The following SCN8A variants were observed in gnomAD, a reference collection of about 807,000 sequenced individuals.
SCN8A encodes the protein sodium channel protein type 8 subunit alpha.
Under a neutral mutation model 184.1 loss-of-function variants are expected in SCN8A, and 30 were observed. The ratio of observed to expected loss-of-function variants is 0.16; its 90% CI spans 0.12 to 0.22. The LOEUF (loss-of-function observed/expected upper bound fraction) is 0.22, where lower values mean the gene tolerates loss of function less well. Among genes scored for constraint, SCN8A ranks in the 10% least tolerant of loss-of-function variants. The pLI, the probability that SCN8A is intolerant of heterozygous loss-of-function variation, is 1.00. For synonymous variants in SCN8A, 852 were observed against 907.0 expected, an observed-to-expected ratio of 0.94 and a Z score of 1.09; for missense variants, 1,057 against 2,498.9, an observed-to-expected ratio of 0.42 and a Z score of 12.30.
Position 51,748,202 on chromosome 12 carries a change from G to T in SCN8A, c.2131+2167G>T, listed in dbSNP as rs192601962. 5.0e-3 allele frequency among the ~76,000 whole-genome samples: 762 copies of T among 152,296 alleles called. 4 individuals are homozygous for T. Among genetic ancestry groups the T allele is most frequent in the Non-Finnish European group, 8.8e-3 (596 of 68,032 alleles). ...ACAGCATTAAAAGCCAGCATTGAACGAATTGTAGTTCTTGCTCTCAGACTT... is the reference window on the plus strand; with the variant it reads ...ACAGCATTAAAAGCCAGCATTGAACTAATTGTAGTTCTTGCTCTCAGACTT... On this transcript the variant is annotated intron_variant, in intron 13 of 26. Coordinates refer to ENST00000627620, the MANE Select transcript of SCN8A (RefSeq NM_001330260.2).
rs146843897 is a variant in SCN8A, at chr12:51,709,740, A to G, written c.1635+3025A>G. ...ACTTTGTGGAAGAAAAAAAAACAGA[A>G]AAGGGAGACGTGTTAGAAAATGAAA... On this transcript the variant is annotated intron_variant, in intron 11 of 26. Coordinates refer to ENST00000627620, the MANE Select transcript of SCN8A (RefSeq NM_001330260.2). Among the ~76,000 whole-genome samples, 360 of 152,308 alleles carry G rather than the reference A, an allele frequency of 2.4e-3. 1 individual carries two copies. Among genetic ancestry groups the G allele is most frequent in the African/African-American group, 8.0e-3 (332 of 41,574 alleles).
chr12:51,623,179 C>G (rs1940000104), intron 1 of SCN8A, among the ~76,000 whole-genome samples: 2 of 152,156 alleles, frequency 1.3e-5, no homozygotes, highest in African/African-American at 2.4e-5. Context: ...TTGGAGAAAC[C>G]AAGTTCTGAG....
chr12:51,788,932 C>T (rs1437885382), intron 23 of SCN8A, among the ~76,000 whole-genome samples, 184 bp downstream of exon 23: 1 of 152,116 alleles, frequency 6.6e-6, no homozygotes, highest in Non-Finnish European at 1.5e-5. Flanking sequence ...TAAGTCATCA[C>T]TCTCTTACAT....
rs1942830402 is a variant in SCN8A at position 51,765,854 on chromosome 12, C to G, written c.2728C>G (p.Gln910Glu). The G allele has an allele frequency of 6.2e-7, 1 of 1,613,866 alleles. No homozygotes were observed. The highest frequency in any genetic ancestry group is 1.3e-5 in the African/African-American group (1 of 74,878). ...SYKECVCKIN[Q>E]DCELPRWHMH... Reference sequence around the variant, plus strand: ...CAAAGAGTGTGTCTGCAAGATCAACCAGGACTGTGAACTCCCTCGCTGGCA... The same window carrying G: ...CAAAGAGTGTGTCTGCAAGATCAACGAGGACTGTGAACTCCCTCGCTGGCA... The change falls in exon 16 of 27, where the codon CAG becomes GAG. Residue 910 changes from glutamine to glutamate, a missense_variant. By Grantham distance (29) the Gln-to-Glu change is conservative (BLOSUM62 2). Around this residue, in one of 19 missense-constraint regions of SCN8A, gnomAD observed 66 missense variants for 310.6 expected, o/e 0.21. Coordinates refer to ENST00000627620, the MANE Select transcript of SCN8A (RefSeq NM_001330260.2).
intron 21 of SCN8A, among the ~76,000 whole-genome samples, chr12:51,783,465 G>A (rs1391199274): frequency 6.6e-6 from 1 of 152,138 alleles, no homozygotes; most frequent in Non-Finnish European, 1.5e-5. Context: ...TCAGAGCTTC[G>A]CTTGAGAGGG....
At chr12:51,773,088 T>G (rs956461482) in intron 19 of SCN8A, among the ~76,000 whole-genome samples, 22 of 150,844 alleles carry the variant, frequency 1.5e-4, no homozygotes, top group Non-Finnish European at 2.5e-4. Flanking sequence ...CTGCACTCCA[T>G]CCTGGGCAAC....
chr12:51,756,536 C>A (rs564464964), intron 14 of SCN8A, among the ~76,000 whole-genome samples: 1 of 152,250 alleles, frequency 6.6e-6, no homozygotes, highest in African/African-American at 2.4e-5. Context: ...TCCCCCACCC[C>A]CTCAAGTGTG....
intron 12 of SCN8A, among the ~76,000 whole-genome samples, chr12:51,725,552 G>A (rs941775217): frequency 2.0e-5 from 3 of 152,052 alleles, no homozygotes; most frequent in African/African-American, 4.8e-5. Context: ...TATTCAGTAG[G>A]TGGTTTTATC....
At chr12:51,681,992 A>G (rs1592376399) in intron 2 of SCN8A, among the ~76,000 whole-genome samples, 1 of 151,904 alleles carries the variant, frequency 6.6e-6, no homozygotes, top group African/African-American at 2.4e-5. Context: ...AATGACCTGT[A>G]TCAGGTTAAG....
At chr12:51,672,892 T>G (rs905303457) in intron 2 of SCN8A, among the ~76,000 whole-genome samples, 2 of 152,204 alleles carry the variant, frequency 1.3e-5, no homozygotes, top group Non-Finnish European at 2.9e-5. Context: ...ATTAACTTGC[T>G]TCCTCAAGTT....
intron 6 of SCN8A, among the ~76,000 whole-genome samples, chr12:51,696,908 G>A (rs931418766): frequency 1.3e-5 from 2 of 151,868 alleles, no homozygotes; most frequent in East Asian, 1.9e-4. Context: ...GCATGGTGGC[G>A]GGCACCTGTA....
rs931382406 is a variant in SCN8A, at chr12:51,808,332, A to G, written c.*903A>G. ...CCACCAACAACAAAAAACAAACCCAATCCAACAAGCAGATGGATCCGTTGC... is the reference window on the plus strand; with the variant it reads ...CCACCAACAACAAAAAACAAACCCAGTCCAACAAGCAGATGGATCCGTTGC... On this transcript the variant is annotated 3_prime_UTR_variant, in exon 27 of 27. Coordinates refer to ENST00000627620, the MANE Select transcript of SCN8A (RefSeq NM_001330260.2). 7 of 152,586 alleles carry G rather than the reference A, an allele frequency of 4.6e-5. No homozygotes were observed. Among genetic ancestry groups the G allele is most frequent in the African/African-American group, 9.7e-5 (4 of 41,430 alleles). 9.5% of individuals were successfully genotyped at this position (152,586 alleles called of 1,614,324 possible).
chr12:51,804,513 G>T, intron 26 of SCN8A, among the ~76,000 whole-genome samples: 1 of 136,158 alleles, frequency 7.3e-6, no homozygotes. Flanking sequence ...TTTTTGAGAT[G>T]GAGTCTCACT....
intron 1 of SCN8A, among the ~76,000 whole-genome samples, chr12:51,616,674 C>T (rs975950941): frequency 1.3e-5 from 2 of 152,062 alleles, no homozygotes; most frequent in African/African-American, 4.8e-5. Flanking sequence ...CATCTCCGCA[C>T]TTTGGGAGGC....
At chr12:51,673,473 G>C (rs1357078314) in intron 2 of SCN8A, among the ~76,000 whole-genome samples, 1 of 152,184 alleles carries the variant, frequency 6.6e-6, no homozygotes, top group East Asian at 1.9e-4. Context: ...CATAGAAAAG[G>C]AGAGAAGACT....
intron 12 of SCN8A, among the ~76,000 whole-genome samples, chr12:51,728,246 C>T (rs1942185194): frequency 1.3e-5 from 2 of 152,110 alleles, no homozygotes; most frequent in Non-Finnish European, 1.5e-5. Context: ...TACTATGAGA[C>T]ATCTACAAAT....
intron 2 of SCN8A, among the ~76,000 whole-genome samples, chr12:51,679,721 CTTTTTTT>C (rs34564079): frequency 2.0e-4 from 17 of 85,482 alleles, no homozygotes; most frequent in African/African-American, 5.4e-4. Context: ...ACTATCTTGC[CTTTTTTT>C]TTTTTTTTTT....
chr12:51,615,107 CT>C (rs1455897644), intron 1 of SCN8A, among the ~76,000 whole-genome samples: 4 of 148,986 alleles, frequency 2.7e-5, no homozygotes, highest in Non-Finnish European at 5.9e-5. Context: ...TTTCTATTTC[CT>C]TTTCCTTCTT....
At chr12:51,605,919 T>G (rs987187360) in intron 1 of SCN8A, among the ~76,000 whole-genome samples, 1 of 152,230 alleles carries the variant, frequency 6.6e-6, no homozygotes, top group Non-Finnish European at 1.5e-5. Flanking sequence ...GTTCATGTCC[T>G]TAGCCCACTT....
Sources: gnomAD v4.1 joint callset for allele counts (sites outside exome capture counted in the v4.1 genomes callset) on GRCh38, gnomAD v4.1.1 for gene constraint, gnomAD v4.1.1 regional missense constraint, MANE v1.5 for transcripts, NCBI Gene and HGNC (gene_info 2026-07-23, HGNC 2026-07-21) for gene names.